Variants in ZNF385D observed in about 807,000 individuals in gnomAD.
ZNF385D encodes the protein zinc finger protein 385D.
Under a neutral mutation model 35.8 loss-of-function variants are expected in ZNF385D, and 15 were observed. The observed-to-expected ratio is 0.42, with a 90% CI of 0.28 to 0.64. The LOEUF (loss-of-function observed/expected upper bound fraction) is 0.64. Ranked by LOEUF, ZNF385D falls within the 30% of genes least tolerant of loss-of-function variation. The probability of loss-of-function intolerance (pLI) is 0.23; values close to 1 mark genes in which losing one functional copy is unlikely to be tolerated. For synonymous variants in ZNF385D, 212 were observed against 186.8 expected (o/e 1.13, Z -1.10); for missense variants, 474 against 494.6 (o/e 0.96, Z 0.39).
intron 1 of ZNF385D, among the ~76,000 whole-genome samples, chr3:21,677,175 G>A (rs760129771): frequency 1.3e-5 from 2 of 152,052 alleles, no homozygotes; most frequent in African/African-American, 2.4e-5. Context: ...ATTGCTGGGG[G>A]CCATGTCAGT....
At chr3:22,143,588 A>G (rs187890798) in intron 3 of ZNF385D, among the ~76,000 whole-genome samples, 1 of 152,042 alleles carries the variant, frequency 6.6e-6, no homozygotes, top group African/African-American at 2.4e-5. Flanking sequence ...ATAACACGAT[A>G]TATATTTTTC....
At chr3:21,934,046 A>C (rs1701144424) in intron 3 of ZNF385D, among the ~76,000 whole-genome samples, 1 of 152,158 alleles carries the variant, frequency 6.6e-6, no homozygotes, top group Non-Finnish European at 1.5e-5. Flanking sequence ...AAAAGTGCTG[A>C]AAAATGAAAA....
At chr3:22,113,627 G>A (rs1702653119) in intron 3 of ZNF385D, among the ~76,000 whole-genome samples, 2 of 152,202 alleles carry the variant, frequency 1.3e-5, no homozygotes, top group African/African-American at 2.4e-5. Flanking sequence ...CAGCAACCGG[G>A]AAACCACAGG....
At chr3:22,193,036 C>T (rs756202402) in intron 2 of ZNF385D, among the ~76,000 whole-genome samples, 1 of 152,158 alleles carries the variant, frequency 6.6e-6, no homozygotes, top group Non-Finnish European at 1.5e-5. Context: ...GTTTCATATA[C>T]TTACATTAAT....
intron 2 of ZNF385D, among the ~76,000 whole-genome samples, chr3:21,610,634 G>C (rs1429528092): frequency 6.6e-6 from 1 of 152,064 alleles, no homozygotes. Context: ...AATTAGCCAG[G>C]TATGGTGGCG....
chr3:21,833,678 A>C (rs2125769948), intron 3 of ZNF385D, among the ~76,000 whole-genome samples: 1 of 152,302 alleles, frequency 6.6e-6, no homozygotes, highest in Non-Finnish European at 1.5e-5. Context: ...GAAACAAAAT[A>C]ATTTAGAAAA....
chr3:21,711,999 C>T (rs2068127406), intron 1 of ZNF385D, among the ~76,000 whole-genome samples: 1 of 151,934 alleles, frequency 6.6e-6, no homozygotes, highest in Non-Finnish European at 1.5e-5. Flanking sequence ...CTGATTATAA[C>T]AATACTATCT....
intron 1 of ZNF385D, among the ~76,000 whole-genome samples, chr3:21,715,926 A>C (rs887989690): frequency 2.0e-5 from 3 of 152,040 alleles, no homozygotes; most frequent in African/African-American, 7.3e-5. Context: ...CCAAAACCAA[A>C]CTCCAGCTAT....
At chr3:22,286,932 A>G (rs9809125) in intron 2 of ZNF385D, among the ~76,000 whole-genome samples, 24,622 of 151,962 alleles carry the variant, frequency 0.16, 4,208 homozygotes, top group African/African-American at 0.44. Context: ...TTTCTGTATT[A>G]ATTTTCTGTG....
chr3:21,746,152 G>A (rs1326003143), intron 1 of ZNF385D, among the ~76,000 whole-genome samples: 3 of 152,218 alleles, frequency 2.0e-5, no homozygotes, highest in African/African-American at 7.2e-5. Context: ...ATGGAAGTCA[G>A]AAACCACTAA....
intron 3 of ZNF385D, among the ~76,000 whole-genome samples, chr3:21,765,956 T>C (rs536172765): frequency 6.6e-6 from 1 of 152,242 alleles, no homozygotes; most frequent in East Asian, 1.9e-4. Context: ...TTCAGTAGAC[T>C]GAAACTAGTA....
rs938868393 is a variant in ZNF385D, at chr3:21,413,188, C to G, written c.*8026G>C. The stretch of plus-strand genomic sequence containing the variant: ...TCCTATCTCACGTTTCCAAGCCCAC[C>G]TGGGGATATGTAGAACTCTGATGAA... On this transcript the variant is annotated 3_prime_UTR_variant, in exon 8 of 8. Transcript: ENST00000281523. 6.6e-6 allele frequency: 1 copy of G among 151,878 alleles called. No individual in the cohort carries two copies. The highest frequency in any genetic ancestry group is 6.6e-5 in the Admixed American group (1 of 15,232). 9.4% of individuals were successfully genotyped at this position (151,878 alleles called of 1,614,324 possible). A position where few individuals can be genotyped will look rare whatever the true frequency, so the allele number is the denominator to read the frequency against.
At position 21,539,048 on chromosome 3, in the gene ZNF385D, A is replaced by G. The variant is rs985070367; in HGVS notation, c.276+25526T>C. ...TTTGACTAGTCTCTCTGGTCTGAGA[A>G]GAGATGAACTAGTTTTCAGCTAATA... On this transcript the variant is annotated intron_variant, in intron 3 of 7. Coordinates refer to ENST00000281523, the MANE Select transcript of ZNF385D (RefSeq NM_024697.3). This position sits in a 1 kb window ranked among gnomAD's most constrained non-coding sequence, Gnocchi z 4.0. Among the ~76,000 whole-genome samples, 5 of 152,076 alleles carry G rather than the reference A, an allele frequency of 3.3e-5. No individual in the cohort carries two copies. The highest frequency in any genetic ancestry group is 9.7e-5 in the African/African-American group (4 of 41,448).
chr3:22,214,790 C>G (rs1029430131), intron 2 of ZNF385D, among the ~76,000 whole-genome samples: 1 of 152,028 alleles, frequency 6.6e-6, no homozygotes, highest in African/African-American at 2.4e-5. Flanking sequence ...ACAATGCATG[C>G]CCAAAACTTC....
chr3:21,966,553 C>T (rs1227913637), intron 3 of ZNF385D, among the ~76,000 whole-genome samples: 1 of 152,048 alleles, frequency 6.6e-6, no homozygotes, highest in East Asian at 1.9e-4. Context: ...TATTGTAAAC[C>T]TATTGGTGTC....
At chr3:21,801,962 T>C (rs1218723080) in intron 3 of ZNF385D, among the ~76,000 whole-genome samples, 1 of 152,192 alleles carries the variant, frequency 6.6e-6, no homozygotes, top group African/African-American at 2.4e-5. Context: ...TTTCCTGCTG[T>C]ATTAAAACAT....
chr3:21,419,909 A>G lies in ZNF385D; in HGVS notation c.*1305T>C, dbSNP rs1156586342. On this transcript the variant is annotated 3_prime_UTR_variant, in exon 8 of 8. Coordinates refer to ENST00000281523, the MANE Select transcript of ZNF385D (RefSeq NM_024697.3). ...ATAAATCTTGTTTTAAAGGTAAAAC[A>G]TCAACTTCTTTCAGCCTGATGGTGA... 1 of 152,102 alleles carries G rather than the reference A, an allele frequency of 6.6e-6. No individual in the cohort carries two copies. Among genetic ancestry groups the G allele is most frequent in the South Asian group, 2.1e-4 (1 of 4,828 alleles). The allele number at this position is 152,102 out of a possible 1,614,324, so 9.4% of individuals were successfully genotyped here.
intron 4 of ZNF385D, among the ~76,000 whole-genome samples, chr3:21,478,036 T>A (rs151242022): frequency 6.6e-6 from 1 of 152,140 alleles, no homozygotes; most frequent in African/African-American, 2.4e-5. Context: ...TCTTACTTCC[T>A]CATCCCTAAT....
chr3:21,659,754 T>C (rs576740472), intron 2 of ZNF385D, among the ~76,000 whole-genome samples: 11 of 152,234 alleles, frequency 7.2e-5, no homozygotes, highest in East Asian at 3.9e-4. Flanking sequence ...ATAGTAGGTA[T>C]TCAATAAATA....
Sources: gnomAD v4.1 joint callset for allele counts (sites outside exome capture counted in the v4.1 genomes callset) on GRCh38, gnomAD v4.1.1 for gene constraint, Gnocchi (gnomAD v3.1) non-coding constraint, MANE v1.5 for transcripts, NCBI Gene and HGNC (gene_info 2026-07-23, HGNC 2026-07-21) for gene names.